Variants in XRN1 observed in about 807,000 individuals in gnomAD.
XRN1 encodes strand-exchange protein 1 homolog.
In XRN1, 67 loss-of-function variants were observed where a neutral mutation model predicts 222.3. The ratio of observed to expected loss-of-function variants is 0.30; its 90% CI spans 0.25 to 0.37. XRN1 has a LOEUF of 0.37. Ranked by LOEUF, XRN1 falls within the 10% of genes least tolerant of loss-of-function variation. XRN1 has a pLI of 1.00. For missense variants in XRN1, 1,707 were observed against 2,000.2 expected (o/e 0.85, Z 2.80); for synonymous variants, 643 against 652.4 (o/e 0.99, Z 0.22).
At chr3:142,325,007 T>C (rs903842657) in intron 37 of XRN1, among the ~76,000 whole-genome samples, 2 of 152,192 alleles carry the variant, frequency 1.3e-5, no homozygotes, top group Non-Finnish European at 2.9e-5. Context: ...CTTTTGTGAA[T>C]AGCACTGCAA....
chr3:142,359,723 T>C (rs1392634756), intron 30 of XRN1, 139 bp downstream of exon 30: 1 of 539,408 alleles, frequency 1.9e-6, no homozygotes, highest in Non-Finnish European at 3.2e-6. Context: ...ATGTCTGCCT[T>C]ATTCAGTGTT....
At chr3:142,410,497 T>G (rs936225338) in intron 15 of XRN1, among the ~76,000 whole-genome samples, 1 of 133,346 alleles carries the variant, frequency 7.5e-6, no homozygotes, top group African/African-American at 2.9e-5. Flanking sequence ...GTTTTTTTTT[T>G]TTTTTTTTTT....
At chr3:142,409,907 T>C (rs1013106105) in intron 15 of XRN1, among the ~76,000 whole-genome samples, 2 of 152,208 alleles carry the variant, frequency 1.3e-5, no homozygotes, top group East Asian at 3.8e-4. Flanking sequence ...GCAGAATCTT[T>C]AAGCTTCTTA....
chr3:142,392,872 C>T (rs1222970289), intron 20 of XRN1, among the ~76,000 whole-genome samples: 5 of 151,004 alleles, frequency 3.3e-5, no homozygotes, highest in African/African-American at 7.3e-5. Context: ...ATGGTATTTC[C>T]AGTTCTAGAT....
At chr3:142,410,348 G>A (rs1029358895) in intron 15 of XRN1, among the ~76,000 whole-genome samples, 3 of 152,112 alleles carry the variant, frequency 2.0e-5, no homozygotes, top group Admixed American at 1.3e-4. Context: ...TGGTCAGATA[G>A]TGGAAGGTGG....
In XRN1 at chr3:142,408,337, CT is replaced by C. The variant is rs150601185; in HGVS notation, c.1714-3262del. Among the ~76,000 whole-genome samples the C allele has an allele frequency of 6.1e-3, 927 of 152,246 alleles. 8 individuals carry two copies. The highest frequency in any genetic ancestry group is 0.021 in the African/African-American group (856 of 41,526). ...CCTATACATGTGCCATTTTATTACC[CT>C]TTGTGGGGGTGCTTGGGTGGGGGAA... On this transcript the variant is annotated intron_variant, in intron 15 of 40. Transcript: ENST00000392981.
In XRN1 at chr3:142,335,442, G is replaced by C. The variant is rs373740197; in HGVS notation, c.3939+6C>G. 5 of 1,613,456 alleles carry C rather than the reference G, an allele frequency of 3.1e-6. No homozygotes were observed. Among genetic ancestry groups the C allele is most frequent in the Non-Finnish European group, 4.2e-6 (5 of 1,179,546 alleles). On this transcript the variant is annotated splice_donor_region_variant and intron_variant, in intron 34 of 40. Transcript: ENST00000392981. ...TAACTAGAAATTTGATTTTAAGGAA[G>C]CTTACCTGCTTATTGGACATTTTTT...
At chr3:142,383,945 G>T (rs776541972) in intron 21 of XRN1, among the ~76,000 whole-genome samples, 1 of 151,992 alleles carries the variant, frequency 6.6e-6, no homozygotes, top group Non-Finnish European at 1.5e-5. Context: ...TTAATGGTGG[G>T]ATTTTTTCTT....
At chr3:142,402,649 C>T (rs1418262731) in intron 18 of XRN1, among the ~76,000 whole-genome samples, 1 of 152,150 alleles carries the variant, frequency 6.6e-6, no homozygotes, top group Admixed American at 6.5e-5. Context: ...AGGGCTTATA[C>T]ATCTTGTGGA....
chr3:142,442,348 C>G (rs1192699909), intron 1 of XRN1, among the ~76,000 whole-genome samples: 1 of 152,030 alleles, frequency 6.6e-6, no homozygotes, highest in East Asian at 1.9e-4. Context: ...GATATTGAAG[C>G]CAAAAGAGCC....
chr3:142,318,497 A>G, intron 39 of XRN1, 95 bp downstream of exon 39: 1 of 1,145,430 alleles, frequency 8.7e-7, no homozygotes. Context: ...TTCTTCTTAC[A>G]TTCCTAGATA....
chr3:142,313,402 A>G (rs2065127094), intron 39 of XRN1, among the ~76,000 whole-genome samples: 1 of 152,198 alleles, frequency 6.6e-6, no homozygotes, highest in Non-Finnish European at 1.5e-5. Flanking sequence ...AGACCTAGTA[A>G]GCCAGACTCT....
In XRN1 at chr3:142,311,647, G is replaced by A. The variant is rs538110316; in HGVS notation, c.4949C>T (p.Pro1650Leu). Residue 1650 changes from proline to leucine, a missense_variant, in exon 41 of 41, where the codon CCT (proline) becomes CTT (leucine). By Grantham distance (98) the Pro-to-Leu change is moderately conservative. This residue lies in a region of XRN1 where 473 missense variants were observed against 482.0 expected (regional missense o/e 0.98). Transcript: ENST00000392981. Reference protein sequence around the residue: ...ASLKSSPIAQPASSFQVETAS... With the variant: ...ASLKSSPIAQLASSFQVETAS... ...AGTTTCAACTTGAAAAGAAGATGCA[G>A]GTTGAGCAATCGGAGAGGACTTCAA... 2.0e-5 allele frequency: 33 copies of A among 1,614,124 alleles called. No homozygotes were observed. The African/African-American group carries it at 4.3e-4, about 21-fold the overall frequency.
chr3:142,411,847 G>A (rs1474592588), intron 15 of XRN1, among the ~76,000 whole-genome samples: 2 of 137,436 alleles, frequency 1.5e-5, no homozygotes, highest in African/African-American at 5.5e-5. Context: ...TTTTTGAGAT[G>A]GAGTCTCGCT....
intron 33 of XRN1, among the ~76,000 whole-genome samples, chr3:142,341,418 A>G (rs1341866679): frequency 1.3e-5 from 2 of 152,084 alleles, no homozygotes; most frequent in African/African-American, 4.8e-5. Flanking sequence ...ACAAAGTGGC[A>G]GGAGTAAGTC....
chr3:142,364,476 T>C (rs2066755638), intron 29 of XRN1, among the ~76,000 whole-genome samples: 1 of 152,138 alleles, frequency 6.6e-6, no homozygotes. Context: ...CTTTTAAGCG[T>C]ATGGTACAGT....
At chr3:142,404,478 A>T (rs1005960339) in intron 16 of XRN1, among the ~76,000 whole-genome samples, 4 of 152,196 alleles carry the variant, frequency 2.6e-5, no homozygotes, top group Admixed American at 2.6e-4. Context: ...TGAAGAGAAA[A>T]AAATGGAGCT....
intron 33 of XRN1, among the ~76,000 whole-genome samples, chr3:142,339,572 C>T (rs2065934220): frequency 6.6e-6 from 1 of 152,180 alleles, no homozygotes; most frequent in Non-Finnish European, 1.5e-5. Context: ...ATGACTTCAA[C>T]AAATTCAGTA....
At chr3:142,382,890 T>C (rs1378014835) in intron 22 of XRN1, among the ~76,000 whole-genome samples, 1 of 152,214 alleles carries the variant, frequency 6.6e-6, no homozygotes, top group Non-Finnish European at 1.5e-5. Flanking sequence ...GGTTCTTTCT[T>C]GCTTTCTCTC....
Sources: allele counts gnomAD v4.1 joint callset (sites outside exome capture counted in the v4.1 genomes callset), GRCh38; gene constraint gnomAD v4.1.1; regional missense constraint gnomAD v4.1.1; transcripts MANE v1.5; gene names NCBI Gene and HGNC (gene_info 2026-07-23, HGNC 2026-07-21).